CD52: variants seen among roughly 807,000 people sequenced by gnomAD.
CD52 encodes the protein CAMPATH-1 antigen.
CD52 carries 2 observed loss-of-function variants against 2.5 expected under a neutral mutation model. The observed-to-expected ratio is 0.79, with a 90% confidence interval of 0.32 to 2.48. CD52 has a LOEUF of 2.48. Among genes scored for constraint, CD52 ranks in the 30% most tolerant of loss-of-function variants. CD52 has a pLI of 0.11. For missense variants in CD52, 62 were observed against 75.8 expected (o/e 0.82, Z 0.68); for synonymous variants, 24 against 27.7 (o/e 0.87, Z 0.42).
chr1:26,319,876 C>T (rs1388280218), intron 1 of CD52, among the ~76,000 whole-genome samples: 1 of 152,044 alleles, frequency 6.6e-6, no homozygotes, highest in Admixed American at 6.6e-5. Context: ...AATCCCAGTA[C>T]TTTGGGAGGC....
At chr1:26,318,185 C>T (rs752267011) in intron 1 of CD52, 114 bp downstream of exon 1, 69 of 867,354 alleles carry the variant, frequency 8.0e-5, no homozygotes, top group African/African-American at 3.4e-4. Context: ...GAGAGCACAG[C>T]AGATGGACTC....
At chr1:26,319,748 T>A (rs1232713302) in intron 1 of CD52, among the ~76,000 whole-genome samples, 1 of 151,954 alleles carries the variant, frequency 6.6e-6, no homozygotes, top group Non-Finnish European at 1.5e-5. Flanking sequence ...AACTGAGGAC[T>A]GTTTTATGGA....
rs763079859 is a variant in CD52, at chr1:26,320,196, A to C, written c.80A>C (p.Asn27Thr). The C allele has an allele frequency of 1.9e-6, 3 of 1,613,606 alleles. No individual in the cohort carries two copies. In the South Asian group the frequency reaches 3.3e-5, roughly 18 times the overall value. ...VQIQTGLSGQ[N>T]DTSQTSSPSA... ...ATACAAACTGGACTCTCAGGACAAA[A>C]CGACACCAGCCAAACCAGCAGCCCC... The change falls in exon 2 of 2, where the codon AAC becomes ACC. Residue 27 changes from asparagine (N) to threonine (T), a missense_variant. Transcript: ENST00000374213.
rs938161932 is a variant in CD52, at chr1:26,320,359, G to A, written c.*57G>A. The A allele has an allele frequency of 8.4e-6, 13 of 1,555,094 alleles. No individual in the cohort carries two copies. The highest frequency in any genetic ancestry group is 4.2e-5 in the African/African-American group (3 of 72,058). The stretch of plus-strand genomic sequence containing the variant: ...CCTGAAACAGCTGCCACCATCACTC[G>A]CAAGAGAATCCCCTCCATCTTTGGG... On this transcript the variant is annotated 3_prime_UTR_variant, in exon 2 of 2. Coordinates refer to ENST00000374213, the MANE Select transcript of CD52 (RefSeq NM_001803.3).
chr1:26,320,379 T>G lies in CD52; in HGVS notation c.*77T>G, dbSNP rs1224478884. 2 of 1,513,962 alleles carry G rather than the reference T, an allele frequency of 1.3e-6. No individual in the cohort carries two copies. Among genetic ancestry groups the G allele is most frequent in the Non-Finnish European group, 1.8e-6 (2 of 1,127,616 alleles). 93.8% of individuals were successfully genotyped at this position (1,513,962 alleles called of 1,614,324 possible). A position where few individuals can be genotyped will look rare whatever the true frequency, so the allele number is the denominator to read the frequency against. ...CACTCGCAAGAGAATCCCCTCCATCTTTGGGAGGGGTTGATGCCAGACATC... is the reference window on the plus strand; with the variant it reads ...CACTCGCAAGAGAATCCCCTCCATCGTTGGGAGGGGTTGATGCCAGACATC... On this transcript the variant is annotated 3_prime_UTR_variant, in exon 2 of 2. Transcript: ENST00000374213.
rs1411744024 is a variant in CD52 at position 26,320,349 on chromosome 1, A to G, written c.*47A>G. On this transcript the variant is annotated 3_prime_UTR_variant, in exon 2 of 2. Transcript: ENST00000374213. ...CCCTGTGCCCCCTGAAACAGCTGCC[A>G]CCATCACTCGCAAGAGAATCCCCTC... The G allele has an allele frequency of 5.7e-6, 9 of 1,567,822 alleles. No individual in the cohort carries two copies. Among genetic ancestry groups the G allele is most frequent in the Admixed American group, 2.0e-5 (1 of 49,748 alleles).
Position 26,320,185 on chromosome 1 carries a change from C to T in CD52, c.69C>T (p.Leu23=), listed in dbSNP as rs1557698214. ...TCCTCCTACAGATACAAACTGGACT[C>T]TCAGGACAAAACGACACCAGCCAAA... The part of the protein sequence containing the change: ...LLVMVQIQTG[L]SGQNDTSQTS... Residue 23 remains leucine, a synonymous_variant, in exon 2 of 2, where the codon CTC becomes CTT. Coordinates refer to ENST00000374213, the MANE Select transcript of CD52 (RefSeq NM_001803.3). The T allele has an allele frequency of 6.2e-7, 1 of 1,613,570 alleles. No homozygotes were observed. Among genetic ancestry groups the T allele is most frequent in the East Asian group, 2.2e-5 (1 of 44,874 alleles).
chr1:26,320,435 A>T lies in CD52; in HGVS notation c.*133A>T. On this transcript the variant is annotated 3_prime_UTR_variant, in exon 2 of 2. Transcript: ENST00000374213. ...GTTGTAGAAGTTGACAGGCAGTGCC[A>T]TGGGGGCAACAGCCAAAATAGGGGG... 7.9e-7 allele frequency: 1 copy of T among 1,267,948 alleles called. No individual in the cohort carries two copies. Among genetic ancestry groups the T allele is most frequent in the Non-Finnish European group, 1.1e-6 (1 of 927,358 alleles). 78.5% of individuals were successfully genotyped at this position (1,267,948 alleles called of 1,614,324 possible).
chr1:26,320,121 A>AG (rs754798533), intron 1 of CD52, 50 bp from the exon 2 acceptor site: 2 of 167,448 alleles, frequency 1.2e-5, no homozygotes, highest in South Asian at 2.9e-4. Context: ...CTCCACCTCT[A>AG]AAAAAAAAAA....
At chr1:26,319,719 TA>T (rs1268933551) in intron 1 of CD52, among the ~76,000 whole-genome samples, 1 of 151,892 alleles carries the variant, frequency 6.6e-6, no homozygotes, top group African/African-American at 2.4e-5. Flanking sequence ...GTGGAAGAAG[TA>T]GTGGTCACAT....
At chr1:26,318,144 G>A (rs999435701) in intron 1 of CD52, 73 bp downstream of exon 1, 4 of 1,278,948 alleles carry the variant, frequency 3.1e-6, no homozygotes, top group East Asian at 4.6e-5. Flanking sequence ...CATACAGGAT[G>A]TGAGCTCCCA....
At chr1:26,319,724 G>A (rs1280358363) in intron 1 of CD52, among the ~76,000 whole-genome samples, 1 of 152,072 alleles carries the variant, frequency 6.6e-6, no homozygotes, top group African/African-American at 2.4e-5. Context: ...AGAAGTAGTG[G>A]TCACATGGGG....
Position 26,320,484 on chromosome 1 carries a change from T to C in CD52, c.*182T>C, listed in dbSNP as rs1030153747. The C allele has an allele frequency of 1.4e-6, 1 of 696,640 alleles. No homozygotes were observed. Among genetic ancestry groups the C allele is most frequent in the Non-Finnish European group, 2.3e-6 (1 of 435,260 alleles). The allele number at this position is 696,640 out of a possible 1,614,324, so 43.2% of individuals were successfully genotyped here. A position where few individuals can be genotyped will look rare whatever the true frequency, so the allele number is the denominator to read the frequency against. On this transcript the variant is annotated 3_prime_UTR_variant, in exon 2 of 2. Coordinates refer to ENST00000374213, the MANE Select transcript of CD52 (RefSeq NM_001803.3). ...GGGTAATGATGTAGGGGCCAAGCAGTGCCCAGCTGGGGGTCAATAAAGTTA... is the reference window on the plus strand; with the variant it reads ...GGGTAATGATGTAGGGGCCAAGCAGCGCCCAGCTGGGGGTCAATAAAGTTA...
At chr1:26,318,570 T>C in intron 1 of CD52, 1 of 153,262 alleles carries the variant, frequency 6.5e-6, no homozygotes, top group Non-Finnish European at 1.5e-5. Flanking sequence ...GACAGGACTC[T>C]CCCATTTCAG....
intron 1 of CD52, chr1:26,318,367 G>C (rs2073819329): frequency 6.0e-6 from 2 of 334,304 alleles, no homozygotes; most frequent in Non-Finnish European, 1.1e-5. Context: ...GAATAATAGA[G>C]AACTAAGAGA....
intron 1 of CD52, 78 bp downstream of exon 1, chr1:26,318,149 C>G: frequency 1.7e-6 from 2 of 1,206,494 alleles, no homozygotes; most frequent in Non-Finnish European, 2.5e-6. Context: ...AGGATGTGAG[C>G]TCCCAGAGAC....
Position 26,320,242 on chromosome 1 carries a change from C to G in CD52, c.126C>G (p.Ser42Arg), listed in dbSNP as rs750360671. 5 of 1,613,628 alleles carry G rather than the reference C, an allele frequency of 3.1e-6. No individual in the cohort carries two copies. ...GCCCCTCAGCATCCAGCAACATAAGCGGAGGCATTTTCCTTTTCTTCGTGG... is the reference window on the plus strand; with the variant it reads ...GCCCCTCAGCATCCAGCAACATAAGGGGAGGCATTTTCCTTTTCTTCGTGG... ...TSSPSASSNISGGIFLFFVAN... is the reference protein window; with the variant it reads ...TSSPSASSNIRGGIFLFFVAN... The change falls in exon 2 of 2, where the codon AGC becomes AGG. Residue 42 changes from serine (S) to arginine (R), a missense_variant. Transcript: ENST00000374213.
chr1:26,320,424 C>A lies in CD52; in HGVS notation c.*122C>A. The A allele has an allele frequency of 7.4e-7, 1 of 1,349,054 alleles. No homozygotes were observed. The highest frequency in any genetic ancestry group is 1.0e-6 in the Non-Finnish European group (1 of 998,036). The allele number at this position is 1,349,054 out of a possible 1,614,324, so 83.6% of individuals were successfully genotyped here. On this transcript the variant is annotated 3_prime_UTR_variant, in exon 2 of 2. Transcript: ENST00000374213. ...GACATCACCAGGTTGTAGAAGTTGA[C>A]AGGCAGTGCCATGGGGGCAACAGCC...
At chr1:26,318,442 T>C (rs577168606) in intron 1 of CD52, 342 of 200,024 alleles carry the variant, frequency 1.7e-3, no homozygotes, top group Middle Eastern at 6.6e-3. Flanking sequence ...GATGGTCCTT[T>C]GGGGAGAGGC....
Sources: allele counts gnomAD v4.1 joint callset (sites outside exome capture counted in the v4.1 genomes callset), GRCh38; gene constraint gnomAD v4.1.1; transcripts MANE v1.5; gene names NCBI Gene and HGNC (gene_info 2026-07-23, HGNC 2026-07-21).